The following RAP1GAP variants were observed in gnomAD, a reference collection of about 807,000 sequenced individuals.
RAP1GAP encodes RAP1 GTPase activating protein.
Under a neutral mutation model 87.2 loss-of-function variants are expected in RAP1GAP, and 35 were observed. The observed-to-expected ratio is 0.40, with a 90% CI of 0.31 to 0.53. RAP1GAP has a LOEUF of 0.53. Among genes scored for constraint, RAP1GAP ranks in the 20% least tolerant of loss-of-function variants. The pLI, the probability that RAP1GAP is intolerant of heterozygous loss-of-function variation, is 0.48. For missense variants in RAP1GAP, 734 were observed against 898.9 expected, an observed-to-expected ratio of 0.82 and a Z score of 2.35; for synonymous variants, 375 against 363.9, an observed-to-expected ratio of 1.03 and a Z score of -0.35.
In RAP1GAP at chr1:21,633,177, C is replaced by T. The variant is rs904765437; in HGVS notation, c.-112-6780G>A. Among the ~76,000 whole-genome samples the T allele has an allele frequency of 2.6e-5, 4 of 152,326 alleles. No individual in the cohort carries two copies. The South Asian group carries it at 8.3e-4, about 32-fold the overall frequency. ...TCAGGGCACCAGAAGTGTGGTGGGG[C>T]TGTCCTGGGTGGTGGGCTTGGCCCT... On this transcript the variant is annotated intron_variant, in intron 2 of 24. Transcript: ENST00000374765.
At chr1:21,620,763 G>A (rs2086642496) in intron 3 of RAP1GAP, among the ~76,000 whole-genome samples, 1 of 152,112 alleles carries the variant, frequency 6.6e-6, no homozygotes, top group Non-Finnish European at 1.5e-5. Context: ...CCTCCAGGAT[G>A]GTGACCCTCC....
At chr1:21,610,770 AG>A (rs1365476912) in intron 13 of RAP1GAP, among the ~76,000 whole-genome samples, 4 of 152,214 alleles carry the variant, frequency 2.6e-5, no homozygotes, top group African/African-American at 9.6e-5. Context: ...TGAATAAACA[AG>A]CTCAACTTGG....
At chr1:21,624,959 G>C (rs1246159174) in intron 3 of RAP1GAP, among the ~76,000 whole-genome samples, 1 of 152,180 alleles carries the variant, frequency 6.6e-6, no homozygotes, top group Non-Finnish European at 1.5e-5. Flanking sequence ...ATGCTCAGGG[G>C]AAGAGGGACT....
chr1:21,651,458 C>T (rs1298025152), intron 1 of RAP1GAP: 2 of 601,064 alleles, frequency 3.3e-6, no homozygotes, highest in East Asian at 4.0e-5. Context: ...GCGGAGTAGC[C>T]CCGCAGCCCC....
Position 21,609,696 on chromosome 1 carries a change from GC to G in RAP1GAP, c.1000-51del. 2 of 1,385,688 alleles carry G rather than the reference GC, an allele frequency of 1.4e-6. No individual in the cohort carries two copies. The highest frequency in any genetic ancestry group is 1.9e-6 in the Non-Finnish European group (2 of 1,031,010). 85.8% of individuals were successfully genotyped at this position (1,385,688 alleles called of 1,614,324 possible). ...TCCTGTGGAGCCTGGGGTCTGCTCTGCCCCACCCAGCCAGAAACCCCTACTG... is the reference window on the plus strand; with the variant it reads ...TCCTGTGGAGCCTGGGGTCTGCTCTGCCCACCCAGCCAGAAACCCCTACTG... On this transcript the variant is annotated intron_variant, in intron 14 of 24. Coordinates refer to ENST00000374765, the MANE Select transcript of RAP1GAP (RefSeq NM_002885.4). The surrounding 1 kb of genome is among the most constrained non-coding windows in gnomAD (Gnocchi z 4.4).
chr1:21,614,012 G>A lies in RAP1GAP; in HGVS notation c.369C>T (p.Asp123=), dbSNP rs369437993. Reference sequence around the variant, plus strand: ...TGAGCAGCAGCCGCAGGTGCTCTTGGTCCCCGATGACATCGTACTTGAGTG... The same window carrying A: ...TGAGCAGCAGCCGCAGGTGCTCTTGATCCCCGATGACATCGTACTTGAGTG... ...VFSLKYDVIG[D]QEHLRLLLRT... is the part of the protein sequence containing the mutation. The change falls in exon 8 of 25, where the codon GAC becomes GAT. Residue 123 remains aspartate, a synonymous_variant. Coordinates refer to ENST00000374765, the MANE Select transcript of RAP1GAP (RefSeq NM_002885.4). The A allele has an allele frequency of 1.4e-5, 23 of 1,612,184 alleles. No homozygotes were observed. The highest frequency in any genetic ancestry group is 2.0e-5 in the Non-Finnish European group (23 of 1,178,850).
intron 1 of RAP1GAP, among the ~76,000 whole-genome samples, chr1:21,652,145 C>G (rs1266349576): frequency 6.7e-6 from 1 of 149,958 alleles, no homozygotes; most frequent in Non-Finnish European, 1.5e-5. Context: ...GGCCGCAGAC[C>G]CTCTGTTGGA....
intron 3 of RAP1GAP, among the ~76,000 whole-genome samples, chr1:21,620,570 C>A (rs968660650): frequency 6.6e-6 from 1 of 152,152 alleles, no homozygotes; most frequent in Non-Finnish European, 1.5e-5. Flanking sequence ...GCCACCTGAA[C>A]CCTCGCACAC....
intron 1 of RAP1GAP, among the ~76,000 whole-genome samples, chr1:21,658,098 C>T (rs564620027): frequency 2.6e-5 from 4 of 152,164 alleles, no homozygotes; most frequent in Non-Finnish European, 5.9e-5. Context: ...ATCAGATATC[C>T]TCCTAGATAT....
At chr1:21,604,584 G>T (rs2072366611) in intron 18 of RAP1GAP, among the ~76,000 whole-genome samples, 1 of 152,154 alleles carries the variant, frequency 6.6e-6, no homozygotes, top group East Asian at 1.9e-4. Flanking sequence ...ACCCACAGGA[G>T]GCTGGGTCAC....
At chr1:21,621,752 T>C (rs1469124004) in intron 3 of RAP1GAP, among the ~76,000 whole-genome samples, 3 of 152,326 alleles carry the variant, frequency 2.0e-5, no homozygotes, top group African/African-American at 7.2e-5. Context: ...GTCACACTGA[T>C]GATGGGTGCA....
intron 3 of RAP1GAP, among the ~76,000 whole-genome samples, chr1:21,625,495 C>T (rs1278210747): frequency 6.6e-6 from 1 of 152,120 alleles, no homozygotes. Flanking sequence ...AGCTTGCATC[C>T]GGTCGTGGCC....
At chr1:21,642,151 C>G (rs1486448390) in intron 2 of RAP1GAP, among the ~76,000 whole-genome samples, 2 of 152,212 alleles carry the variant, frequency 1.3e-5, no homozygotes, top group African/African-American at 2.4e-5. Flanking sequence ...GGGCCAGTGC[C>G]TAAGGCCAGT....
At chr1:21,664,892 A>T (rs2097288221) in intron 1 of RAP1GAP, among the ~76,000 whole-genome samples, 2 of 152,158 alleles carry the variant, frequency 1.3e-5, no homozygotes, top group African/African-American at 4.8e-5. Flanking sequence ...CCCAGCCAGT[A>T]TGTCTGGCCT....
At chr1:21,608,497 C>G (rs1411720143) in intron 16 of RAP1GAP, 147 bp from the exon 17 acceptor site, 1 of 1,097,658 alleles carries the variant, frequency 9.1e-7, no homozygotes, top group Non-Finnish European at 1.3e-6. Flanking sequence ...GCACCGCCTT[C>G]CCCCAGGCCA....
intron 2 of RAP1GAP, among the ~76,000 whole-genome samples, chr1:21,630,662 T>C (rs1406651315): frequency 6.6e-6 from 1 of 151,932 alleles, no homozygotes; most frequent in Non-Finnish European, 1.5e-5. Context: ...AAGTGATCCT[T>C]CCCCCTCGGC....
intron 10 of RAP1GAP, among the ~76,000 whole-genome samples, 196 bp from the exon 11 acceptor site, chr1:21,612,305 G>T (rs1478507186): frequency 6.6e-6 from 1 of 152,112 alleles, no homozygotes; most frequent in Non-Finnish European, 1.5e-5. Flanking sequence ...CTCACCTAGG[G>T]TCAATGGCTT....
intron 2 of RAP1GAP, among the ~76,000 whole-genome samples, chr1:21,649,496 T>C (rs2096384663): frequency 2.6e-5 from 4 of 152,042 alleles, no homozygotes; most frequent in Admixed American, 2.0e-4. Flanking sequence ...GATGAGAAAA[T>C]TGAGGTTCAG....
rs2088232345 is a variant in RAP1GAP, at chr1:21,622,067, T to C, written c.-18-2017A>G. On this transcript the variant is annotated intron_variant, in intron 3 of 24. Coordinates refer to ENST00000374765, the MANE Select transcript of RAP1GAP (RefSeq NM_002885.4). The surrounding 1 kb of genome is among the most constrained non-coding windows in gnomAD (Gnocchi z 5.7). ...CAAACGGGGCAGGGGCAGGGTAAAG[T>C]GGTCCCGACGGTAGCACGCACCCAC... is the stretch of plus-strand genomic sequence containing the variant. Among the ~76,000 whole-genome samples, 1 of 151,940 alleles carries C rather than the reference T, an allele frequency of 6.6e-6. No homozygotes were observed. Among genetic ancestry groups the C allele is most frequent in the South Asian group, 2.1e-4 (1 of 4,812 alleles).
Sources: allele counts gnomAD v4.1 joint callset (sites outside exome capture counted in the v4.1 genomes callset), GRCh38; gene constraint gnomAD v4.1.1; non-coding constraint Gnocchi (gnomAD v3.1); transcripts MANE v1.5; gene names NCBI Gene and HGNC (gene_info 2026-07-23, HGNC 2026-07-21).